IQCJ: variants seen among roughly 807,000 people sequenced by gnomAD.
IQCJ encodes the protein IQ motif containing J, also known as IQ domain-containing protein J.
In IQCJ, 9 loss-of-function variants were observed where a neutral mutation model predicts 11.0. That is an observed-to-expected ratio of 0.82 (90% CI 0.49 to 1.43). IQCJ has a LOEUF of 1.43. Ranked by LOEUF, IQCJ falls within the 40% of genes most tolerant of loss-of-function variation. The pLI is 0.00. For missense variants in IQCJ, 146 were observed against 133.2 expected, an observed-to-expected ratio of 1.10 and a Z score of -0.47; for synonymous variants, 55 against 51.3, an observed-to-expected ratio of 1.07 and a Z score of -0.31.
At chr3:159,171,169 C>A (rs192621448) in intron 1 of IQCJ, among the ~76,000 whole-genome samples, 1 of 151,710 alleles carries the variant, frequency 6.6e-6, no homozygotes, top group East Asian at 1.9e-4. Flanking sequence ...AAACCAGCAA[C>A]GAGGTACTAT....
chr3:159,129,825 T>C (rs1719893604), intron 1 of IQCJ, among the ~76,000 whole-genome samples: 2 of 152,202 alleles, frequency 1.3e-5, no homozygotes, highest in African/African-American at 4.8e-5. Flanking sequence ...AGTGGTATTA[T>C]CTTGGATAAG....
At chr3:159,140,067 C>T (rs928531838) in intron 1 of IQCJ, among the ~76,000 whole-genome samples, 1 of 152,092 alleles carries the variant, frequency 6.6e-6, no homozygotes, top group African/African-American at 2.4e-5. Flanking sequence ...CCATGTTCCC[C>T]CTGTTCACCC....
intron 1 of IQCJ, among the ~76,000 whole-genome samples, chr3:159,238,304 G>A (rs1297118182): frequency 6.6e-6 from 1 of 152,084 alleles, no homozygotes; most frequent in East Asian, 1.9e-4. Flanking sequence ...ATTCCCCAGG[G>A]CCATAGAATA....
chr3:159,094,918 A>G (rs1717620301), intron 1 of IQCJ, among the ~76,000 whole-genome samples: 1 of 151,888 alleles, frequency 6.6e-6, no homozygotes, highest in Non-Finnish European at 1.5e-5. Context: ...TATTGAAGTT[A>G]TTCCACATCA....
At chr3:159,257,525 T>C (rs1441883329) in intron 3 of IQCJ, among the ~76,000 whole-genome samples, 1 of 151,994 alleles carries the variant, frequency 6.6e-6, no homozygotes, top group African/African-American at 2.4e-5. Context: ...CATCCATCAG[T>C]GTGGCAGTGA....
chr3:159,182,813 T>G (rs1723177490), intron 1 of IQCJ, among the ~76,000 whole-genome samples: 1 of 151,818 alleles, frequency 6.6e-6, no homozygotes, highest in African/African-American at 2.4e-5. Context: ...TATCAATGTC[T>G]GTAATCTATA....
At chr3:159,215,850 G>A (rs1725195148) in intron 1 of IQCJ, among the ~76,000 whole-genome samples, 1 of 151,940 alleles carries the variant, frequency 6.6e-6, no homozygotes, top group Non-Finnish European at 1.5e-5. Context: ...ACATTACACT[G>A]TAATGATTTG....
chr3:159,164,332 A>G (rs1231676343), intron 1 of IQCJ, among the ~76,000 whole-genome samples: 1 of 152,178 alleles, frequency 6.6e-6, no homozygotes, highest in Non-Finnish European at 1.5e-5. Context: ...AGATGTTCAC[A>G]AAGTAGGGAG....
intron 1 of IQCJ, among the ~76,000 whole-genome samples, chr3:159,193,308 C>T (rs1175030771): frequency 6.6e-6 from 1 of 152,180 alleles, no homozygotes; most frequent in Non-Finnish European, 1.5e-5. Flanking sequence ...CCTAATGATT[C>T]TAGATCCATA....
intron 1 of IQCJ, among the ~76,000 whole-genome samples, chr3:159,224,707 T>C (rs1725742457): frequency 6.6e-6 from 1 of 151,044 alleles, no homozygotes; most frequent in South Asian, 2.1e-4. Context: ...CTTTTGAACC[T>C]AGTTTCTTGT....
intron 1 of IQCJ, among the ~76,000 whole-genome samples, chr3:159,205,226 T>C (rs1724584230): frequency 6.6e-6 from 1 of 152,194 alleles, no homozygotes; most frequent in Admixed American, 6.5e-5. Flanking sequence ...GAAGTTATAC[T>C]CATGATTATG....
chr3:159,175,470 C>CAAACA (rs1188162732), intron 1 of IQCJ, among the ~76,000 whole-genome samples: 2 of 152,082 alleles, frequency 1.3e-5, no homozygotes, highest in African/African-American at 2.4e-5. Flanking sequence ...GACCCTGTCT[C>CAAACA]AAACAAAACA....
chr3:159,169,579 C>T (rs755020151), intron 1 of IQCJ, among the ~76,000 whole-genome samples: 1 of 152,034 alleles, frequency 6.6e-6, no homozygotes, highest in Non-Finnish European at 1.5e-5. Flanking sequence ...CATGAGCCAC[C>T]GCACCCTGCC....
intron 1 of IQCJ, among the ~76,000 whole-genome samples, chr3:159,169,841 G>A (rs1006231821): frequency 1.3e-5 from 2 of 152,118 alleles, no homozygotes; most frequent in Non-Finnish European, 2.9e-5. Context: ...GCCTTTGATT[G>A]TAGTTCCTGG....
intron 3 of IQCJ, among the ~76,000 whole-genome samples, chr3:159,255,782 G>A (rs1284387335): frequency 6.6e-6 from 1 of 152,206 alleles, no homozygotes; most frequent in Non-Finnish European, 1.5e-5. Flanking sequence ...GGCTATTAAT[G>A]AAAAGGCATT....
intron 1 of IQCJ, among the ~76,000 whole-genome samples, chr3:159,104,129 A>C (rs745423339): frequency 6.6e-6 from 1 of 152,006 alleles, no homozygotes; most frequent in Non-Finnish European, 1.5e-5. Flanking sequence ...AGGGCCATTT[A>C]CTCTTCCCCA....
At chr3:159,126,216 T>G (rs1430561842) in intron 1 of IQCJ, among the ~76,000 whole-genome samples, 1 of 152,204 alleles carries the variant, frequency 6.6e-6, no homozygotes, top group African/African-American at 2.4e-5. Flanking sequence ...CCTCTGCCAG[T>G]CCTGGGCATG....
At chr3:159,071,578 C>A (rs542610236) in intron 1 of IQCJ, among the ~76,000 whole-genome samples, 1 of 152,168 alleles carries the variant, frequency 6.6e-6, no homozygotes, top group Non-Finnish European at 1.5e-5. Context: ...AAAATACCCT[C>A]ACTTTACTTT....
chr3:159,253,366 A>G (rs972007288), intron 3 of IQCJ, among the ~76,000 whole-genome samples: 5 of 152,168 alleles, frequency 3.3e-5, no homozygotes, highest in African/African-American at 4.8e-5. Context: ...ACAACATCTC[A>G]ATATTAACAA....
Sources: gnomAD v4.1 joint callset for allele counts (sites outside exome capture counted in the v4.1 genomes callset) on GRCh38, gnomAD v4.1.1 for gene constraint, MANE v1.5 for transcripts, NCBI Gene and HGNC (gene_info 2026-07-23, HGNC 2026-07-21) for gene names.